Variants in USP13 observed in about 807,000 individuals in gnomAD.
USP13 encodes ubiquitin carboxyl-terminal hydrolase 13.
A neutral mutation model predicts 107.8 loss-of-function variants in USP13; 68 were observed. That is an observed-to-expected ratio of 0.63 (90% CI 0.52 to 0.77). The LOEUF (loss-of-function observed/expected upper bound fraction) is 0.77, where lower values mean the gene tolerates loss of function less well. Ranked by LOEUF, USP13 falls within the 30% of genes least tolerant of loss-of-function variation. The pLI, the probability that USP13 is intolerant of heterozygous loss-of-function variation, is 0.00. For missense variants in USP13, 945 were observed against 1,093.3 expected, an observed-to-expected ratio of 0.86 and a Z score of 1.91; for synonymous variants, 377 against 389.5, an observed-to-expected ratio of 0.97 and a Z score of 0.38.
At chr3:179,743,415 C>T (rs1366270805) in intron 12 of USP13, among the ~76,000 whole-genome samples, 1 of 149,542 alleles carries the variant, frequency 6.7e-6, no homozygotes, top group African/African-American at 2.5e-5. Context: ...AAAAAAAATT[C>T]AGCGGTTCCC....
rs1278060571 is a variant in USP13, at chr3:179,678,177, TTGAC to T, written c.169-3697_169-3694del. Among the ~76,000 whole-genome samples, 1 of 152,202 alleles carries T rather than the reference TTGAC, an allele frequency of 6.6e-6. No individual in the cohort carries two copies. The highest frequency in any genetic ancestry group is 1.9e-4 in the East Asian group (1 of 5,186). On this transcript the variant is annotated intron_variant, in intron 1 of 20. Transcript: ENST00000263966. This position sits in a 1 kb window ranked among gnomAD's most constrained non-coding sequence, Gnocchi z 4.2. ...CAGTAAATCTTCTGGTTCAAATTCA[TTGAC>T]TGAATTACATTTTATTAGAAGAGAA...
chr3:179,720,452 C>T (rs906980553), intron 7 of USP13, among the ~76,000 whole-genome samples: 1 of 152,156 alleles, frequency 6.6e-6, no homozygotes, highest in Admixed American at 6.5e-5. Flanking sequence ...ACGAATAAAC[C>T]AACACATTAC....
rs1715858317 is a variant in USP13, at chr3:179,784,445, G to C, written c.*304G>C. On this transcript the variant is annotated 3_prime_UTR_variant, in exon 21 of 21. Transcript: ENST00000263966. Reference sequence around the variant, plus strand: ...ATCTGCCATCAGCACATCAAAAATGGGGATGTGCCCCCAGCCCTCTATTTT... The same window carrying C: ...ATCTGCCATCAGCACATCAAAAATGCGGATGTGCCCCCAGCCCTCTATTTT... 8.4e-6 allele frequency: 2 copies of C among 237,702 alleles called. No individual in the cohort carries two copies. The highest frequency in any genetic ancestry group is 4.6e-5 in the African/African-American group (2 of 43,536). The allele number at this position is 237,702 out of a possible 1,614,324, so 14.7% of individuals were successfully genotyped here.
intron 1 of USP13, among the ~76,000 whole-genome samples, chr3:179,656,313 T>A (rs1720259693): frequency 6.6e-6 from 1 of 152,216 alleles, no homozygotes; most frequent in South Asian, 2.1e-4. Context: ...TGATTTTATA[T>A]GGTCAGTTAT....
At chr3:179,659,650 G>C (rs1321381627) in intron 1 of USP13, among the ~76,000 whole-genome samples, 1 of 152,156 alleles carries the variant, frequency 6.6e-6, no homozygotes, top group Non-Finnish European at 1.5e-5. Context: ...TTACCATTTT[G>C]CAGATCAGGA....
chr3:179,657,435 A>G (rs1720298997), intron 1 of USP13, among the ~76,000 whole-genome samples: 1 of 151,778 alleles, frequency 6.6e-6, no homozygotes, highest in South Asian at 2.1e-4. Context: ...AGGAGGAAAT[A>G]GAGAAGAATG....
At chr3:179,674,424 C>A (rs1720834822) in intron 1 of USP13, among the ~76,000 whole-genome samples, 1 of 152,154 alleles carries the variant, frequency 6.6e-6, no homozygotes, top group South Asian at 2.1e-4. Flanking sequence ...CCTCATCCAT[C>A]GTGACAATAG....
chr3:179,786,549 G>C lies in USP13; in HGVS notation c.*2408G>C, dbSNP rs1242079844. 6.5e-6 allele frequency: 1 copy of C among 152,912 alleles called. No individual in the cohort carries two copies. Among genetic ancestry groups the C allele is most frequent in the African/African-American group, 2.4e-5 (1 of 41,468 alleles). 9.5% of individuals were successfully genotyped at this position (152,912 alleles called of 1,614,324 possible). A position where few individuals can be genotyped will look rare whatever the true frequency, so the allele number is the denominator to read the frequency against. ...CAACACAAAGGGCTATTTCTACAAG[G>C]CAAAGTTTTGTATATGTGCTATTCT... On this transcript the variant is annotated 3_prime_UTR_variant, in exon 21 of 21. Coordinates refer to ENST00000263966, the MANE Select transcript of USP13 (RefSeq NM_003940.3).
rs112305154 is a variant in USP13, at chr3:179,722,303, T to A, written c.1088+714T>A. On this transcript the variant is annotated intron_variant, in intron 8 of 20. Coordinates refer to ENST00000263966, the MANE Select transcript of USP13 (RefSeq NM_003940.3). ...TTTCCTGAAGGATTTAGGGCTTTCA[T>A]TTTTTGCTACTTACAGTGTGGTTCA... is the stretch of plus-strand genomic sequence containing the variant. Among the ~76,000 whole-genome samples the A allele has an allele frequency of 9.4e-3, 1,428 of 152,248 alleles. 24 individuals carry two copies. The highest frequency in any genetic ancestry group is 0.033 in the African/African-American group (1,352 of 41,522).
At chr3:179,658,206 G>A (rs1164158328) in intron 1 of USP13, among the ~76,000 whole-genome samples, 1 of 152,096 alleles carries the variant, frequency 6.6e-6, no homozygotes, top group East Asian at 1.9e-4. Context: ...CGCCCACCTT[G>A]GCCTCCCAAA....
At chr3:179,657,446 G>A (rs993089720) in intron 1 of USP13, among the ~76,000 whole-genome samples, 3 of 151,462 alleles carry the variant, frequency 2.0e-5, no homozygotes, top group Non-Finnish European at 4.4e-5. Flanking sequence ...GAGAAGAATG[G>A]AAGGAAGAAA....
At chr3:179,670,320 G>A (rs1183743740) in intron 1 of USP13, among the ~76,000 whole-genome samples, 1 of 152,118 alleles carries the variant, frequency 6.6e-6, no homozygotes, top group African/African-American at 2.4e-5. Flanking sequence ...TGTCATTAGG[G>A]CACCACCCTT....
At chr3:179,745,278 G>A (rs1714361369) in intron 13 of USP13, 61 bp downstream of exon 13, 1 of 1,519,020 alleles carries the variant, frequency 6.6e-7, no homozygotes, top group Admixed American at 1.7e-5. Flanking sequence ...GTGGGGACAG[G>A]GGTAAGGGAA....
At chr3:179,726,575 C>G (rs1176156904) in intron 8 of USP13, among the ~76,000 whole-genome samples, 1 of 152,130 alleles carries the variant, frequency 6.6e-6, no homozygotes, top group Non-Finnish European at 1.5e-5. Context: ...ATAGAGTGCT[C>G]CAGGGGCAGT....
In USP13 at chr3:179,740,391, C is replaced by T. The variant is rs141164601; in HGVS notation, c.1380+19C>T. ...AGTAGAGGTGAGTAGTCAGTCTTCA[C>T]GGATGCTCAGCGGGGTTGTAAGAGG... On this transcript the variant is annotated intron_variant, in intron 11 of 20. Coordinates refer to ENST00000263966, the MANE Select transcript of USP13 (RefSeq NM_003940.3). The T allele has an allele frequency of 2.0e-5, 32 of 1,613,720 alleles. No homozygotes were observed. The highest frequency in any genetic ancestry group is 3.3e-5 in the Admixed American group (2 of 59,992).
chr3:179,673,540 C>G (rs542673785), intron 1 of USP13, among the ~76,000 whole-genome samples: 1 of 152,140 alleles, frequency 6.6e-6, no homozygotes, highest in Non-Finnish European at 1.5e-5. Flanking sequence ...TTTCTCATAG[C>G]GATAGATTTC....
chr3:179,664,689 A>G (rs1188194947), intron 1 of USP13, among the ~76,000 whole-genome samples: 1 of 152,200 alleles, frequency 6.6e-6, no homozygotes, highest in Non-Finnish European at 1.5e-5. Context: ...TAGGGCTAGA[A>G]CAACAGGACA....
chr3:179,686,744 C>T (rs531620156), intron 2 of USP13, among the ~76,000 whole-genome samples: 2 of 152,384 alleles, frequency 1.3e-5, no homozygotes, highest in Non-Finnish European at 2.9e-5. Flanking sequence ...AATCCACTAA[C>T]ACTGCCCAGG....
At chr3:179,716,376 G>A (rs1713113967) in intron 6 of USP13, among the ~76,000 whole-genome samples, 1 of 152,180 alleles carries the variant, frequency 6.6e-6, no homozygotes, top group African/African-American at 2.4e-5. Context: ...TAAACCATGA[G>A]ACCCTTCACA....
Sources: allele counts gnomAD v4.1 joint callset (sites outside exome capture counted in the v4.1 genomes callset), GRCh38; gene constraint gnomAD v4.1.1; non-coding constraint Gnocchi (gnomAD v3.1); transcripts MANE v1.5; gene names NCBI Gene and HGNC (gene_info 2026-07-23, HGNC 2026-07-21).